QPRT: variants seen among roughly 807,000 people sequenced by gnomAD.
QPRT encodes the protein nicotinate-nucleotide pyrophosphorylase [carboxylating].
Under a neutral mutation model 19.8 loss-of-function variants are expected in QPRT, and 17 were observed. The observed-to-expected ratio is 0.86, with a 90% confidence interval of 0.59 to 1.29. QPRT has a LOEUF of 1.29. Ranked by LOEUF, QPRT falls within the 50% of genes most tolerant of loss-of-function variation. The probability of loss-of-function intolerance (pLI) is 0.00; values close to 1 mark genes in which losing one functional copy is unlikely to be tolerated. For synonymous variants in QPRT, 178 were observed against 191.0 expected, an observed-to-expected ratio of 0.93 and a Z score of 0.56; for missense variants, 336 against 405.1, an observed-to-expected ratio of 0.83 and a Z score of 1.46.
chr16:29,685,264 A>T (rs1191553550), intron 1 of QPRT, among the ~76,000 whole-genome samples: 2 of 152,056 alleles, frequency 1.3e-5, no homozygotes, highest in African/African-American at 4.8e-5. Context: ...TGAGGTCAAG[A>T]GTTCAAGAAC....
chr16:29,679,705 C>T (rs1966934650), intron 1 of QPRT, among the ~76,000 whole-genome samples: 1 of 152,072 alleles, frequency 6.6e-6, no homozygotes, highest in Non-Finnish European at 1.5e-5. Context: ...CCATGAAGTC[C>T]GGTGGCAACA....
rs530133266 is a variant in QPRT at position 29,697,503 on chromosome 16, G to A, written c.*92G>A. 4.5e-6 allele frequency: 6 copies of A among 1,329,588 alleles called. No homozygotes were observed. In the Admixed American group the frequency reaches 1.1e-4, roughly 25 times the overall value. 82.4% of individuals were successfully genotyped at this position (1,329,588 alleles called of 1,614,324 possible). A position where few individuals can be genotyped will look rare whatever the true frequency, so the allele number is the denominator to read the frequency against. On this transcript the variant is annotated 3_prime_UTR_variant, in exon 4 of 4. Coordinates refer to ENST00000395384, the MANE Select transcript of QPRT (RefSeq NM_014298.6). This position sits in a 1 kb window ranked among gnomAD's most constrained non-coding sequence, Gnocchi z 4.4. ...ACATCTTTAGGGTCAGTGGCCAATGGGGCACATTTGGCACTAGCTTGAGCC... is the reference window on the plus strand; with the variant it reads ...ACATCTTTAGGGTCAGTGGCCAATGAGGCACATTTGGCACTAGCTTGAGCC...
chr16:29,693,222 A>C (rs980271035), intron 1 of QPRT, among the ~76,000 whole-genome samples: 3 of 152,046 alleles, frequency 2.0e-5, no homozygotes, highest in Admixed American at 2.0e-4. Flanking sequence ...AGTAGGTCTT[A>C]TTCATTCTTT....
rs944322483 is a variant in QPRT at position 29,695,092 on chromosome 16, G to A, written c.442G>A (p.Glu148Lys). Residue 148 changes from glutamate (E) to lysine (K), a missense_variant, in exon 2 of 4, where the codon GAG becomes AAG. Glu to Lys is a moderately conservative substitution (Grantham distance 56). Coordinates refer to ENST00000395384, the MANE Select transcript of QPRT (RefSeq NM_014298.6). ...GACCACGCCAGGCTTCCGGCTGGTG[G>A]AGAAGTATGGGCTCCTGGTGGGCGG... ...RKTTPGFRLV[E>K]KYGLLVGGAA... is the part of the protein sequence containing the mutation. 1.2e-6 allele frequency: 2 copies of A among 1,604,672 alleles called. No homozygotes were observed. The highest frequency in any genetic ancestry group is 1.7e-6 in the Non-Finnish European group (2 of 1,177,346).
intron 1 of QPRT, among the ~76,000 whole-genome samples, chr16:29,690,124 G>A (rs926579060): frequency 1.4e-5 from 2 of 140,814 alleles, no homozygotes; most frequent in East Asian, 3.9e-4. Flanking sequence ...GAGAACACGC[G>A]GTATTTGGTT....
chr16:29,692,844 CGAGGTCAG>C (rs1967390477), intron 1 of QPRT, among the ~76,000 whole-genome samples: 1 of 152,132 alleles, frequency 6.6e-6, no homozygotes, highest in African/African-American at 2.4e-5. Flanking sequence ...GGGCGAATCA[CGAGGTCAG>C]GAGTTCCAGA....
Position 29,697,588 on chromosome 16 carries a change from T to G in QPRT, c.*177T>G. On this transcript the variant is annotated 3_prime_UTR_variant, in exon 4 of 4. Coordinates refer to ENST00000395384, the MANE Select transcript of QPRT (RefSeq NM_014298.6). This position sits in a 1 kb window ranked among gnomAD's most constrained non-coding sequence, Gnocchi z 4.4. ...CTGTCAGGGCTGACTTCACCTCTGCTCATCTCAGTTTCCTAATCTGTAAAA... is the reference window on the plus strand; with the variant it reads ...CTGTCAGGGCTGACTTCACCTCTGCGCATCTCAGTTTCCTAATCTGTAAAA... The G allele has an allele frequency of 1.6e-6, 1 of 642,242 alleles. No individual in the cohort carries two copies. The highest frequency in any genetic ancestry group is 2.7e-6 in the Non-Finnish European group (1 of 377,218). The allele number at this position is 642,242 out of a possible 1,614,324, so 39.8% of individuals were successfully genotyped here.
intron 1 of QPRT, among the ~76,000 whole-genome samples, chr16:29,682,765 C>T (rs1967047297): frequency 6.6e-6 from 1 of 152,076 alleles, no homozygotes; most frequent in South Asian, 2.1e-4. Context: ...TTAAAAATTT[C>T]CTTGGTGTTA....
chr16:29,691,044 T>TA (rs1421966417), intron 1 of QPRT, among the ~76,000 whole-genome samples: 1 of 149,304 alleles, frequency 6.7e-6, no homozygotes, highest in Non-Finnish European at 1.5e-5. Flanking sequence ...ATCCATTTTT[T>TA]AAAAAATCAG....
intron 1 of QPRT, among the ~76,000 whole-genome samples, chr16:29,683,506 T>A (rs1451780705): frequency 4.6e-5 from 7 of 151,840 alleles, no homozygotes; most frequent in Admixed American, 4.6e-4. Flanking sequence ...CAGGCGTGTG[T>A]CACCATGCCC....
intron 1 of QPRT, among the ~76,000 whole-genome samples, chr16:29,691,198 C>G (rs1967316827): frequency 6.6e-6 from 1 of 151,072 alleles, no homozygotes; most frequent in Middle Eastern, 3.2e-3. Context: ...AACCCTGTCT[C>G]TACTAAAAAT....
At chr16:29,680,016 G>A (rs1966947674) in intron 1 of QPRT, among the ~76,000 whole-genome samples, 1 of 148,162 alleles carries the variant, frequency 6.7e-6, no homozygotes, top group South Asian at 2.1e-4. Context: ...GGAGTGCAGT[G>A]GCGTGATCTC....
chr16:29,691,892 G>C (rs2142307365), intron 1 of QPRT, among the ~76,000 whole-genome samples: 1 of 152,306 alleles, frequency 6.6e-6, no homozygotes, highest in Admixed American at 6.5e-5. Flanking sequence ...TGAGTGAGTG[G>C]AGACTCAGCA....
chr16:29,692,565 C>CAA lies in QPRT; in HGVS notation c.14-2085_14-2084dup, dbSNP rs59259546. Among the ~76,000 whole-genome samples the CAA allele has an allele frequency of 2.8e-4, 31 of 111,476 alleles. 1 individual carries two copies. Among genetic ancestry groups the CAA allele is most frequent in the African/African-American group, 9.0e-4 (28 of 31,148 alleles). 73.1% of individuals were successfully genotyped at this position (111,476 alleles called of 152,430 possible). ...CACTGCAACAGAACGAGACTATCTC[C>CAA]AAAAAAAAAAAAAAAGTGTGGGTAT... On this transcript the variant is annotated intron_variant, in intron 1 of 3. Transcript: ENST00000395384.
At chr16:29,688,757 C>A (rs1967235672) in intron 1 of QPRT, among the ~76,000 whole-genome samples, 1 of 148,170 alleles carries the variant, frequency 6.7e-6, no homozygotes, top group Non-Finnish European at 1.5e-5. Flanking sequence ...TGACCTCAGG[C>A]TAATTTTTTG....
At chr16:29,683,781 C>T (rs1243554320) in intron 1 of QPRT, among the ~76,000 whole-genome samples, 1 of 152,024 alleles carries the variant, frequency 6.6e-6, no homozygotes, top group Non-Finnish European at 1.5e-5. Flanking sequence ...TTGGAATGGG[C>T]CTGAGCATCT....
At chr16:29,693,839 C>T (rs1713036877) in intron 1 of QPRT, among the ~76,000 whole-genome samples, 1 of 152,158 alleles carries the variant, frequency 6.6e-6, no homozygotes, top group East Asian at 1.9e-4. Flanking sequence ...ATCCTCCCGC[C>T]TTGGCCTCCC....
chr16:29,685,862 AAAG>A (rs1967145725), intron 1 of QPRT, among the ~76,000 whole-genome samples: 1 of 149,314 alleles, frequency 6.7e-6, no homozygotes, highest in African/African-American at 2.6e-5. Flanking sequence ...AATAAAATGA[AAAG>A]AAAATTTTTT....
rs887846104 is a variant in QPRT, at chr16:29,684,785, G to C, written c.13+5575G>C. On this transcript the variant is annotated intron_variant, in intron 1 of 3. Transcript: ENST00000395384. ...TTCTCTCGAGCTCTGCAGAAGCTAA[G>C]CTGTTTCACCAGGCCACGATTCAGG... 4.6e-5 allele frequency among the ~76,000 whole-genome samples: 7 copies of C among 152,200 alleles called. No individual in the cohort carries two copies. The East Asian group carries it at 7.7e-4, about 17-fold the overall frequency.
Sources: gnomAD v4.1 joint callset for allele counts (sites outside exome capture counted in the v4.1 genomes callset) on GRCh38, gnomAD v4.1.1 for gene constraint, Gnocchi (gnomAD v3.1) non-coding constraint, MANE v1.5 for transcripts, NCBI Gene and HGNC (gene_info 2026-07-23, HGNC 2026-07-21) for gene names.